PISD: variants seen among roughly 807,000 people sequenced by gnomAD.
The protein encoded by PISD is phosphatidylserine decarboxylase.
In PISD, 31 loss-of-function variants were observed where a neutral mutation model predicts 43.5. That is an observed-to-expected ratio of 0.71 (90% CI 0.54 to 0.96). The LOEUF is 0.96. PISD is among the 40% of genes least tolerant of loss of function. The pLI is 0.00. For missense variants in PISD, 523 were observed against 548.4 expected (o/e 0.95, Z 0.46); for synonymous variants, 259 against 228.7 (o/e 1.13, Z -1.20).
intron 3 of PISD, among the ~76,000 whole-genome samples, chr22:31,626,764 T>G (rs1439043509): frequency 6.6e-6 from 1 of 152,226 alleles, no homozygotes; most frequent in East Asian, 1.9e-4. Context: ...CCTGCACAGA[T>G]AGCGGAAGGA....
chr22:31,628,596 G>A (rs2073033413), intron 3 of PISD, among the ~76,000 whole-genome samples: 1 of 152,238 alleles, frequency 6.6e-6, no homozygotes, highest in Non-Finnish European at 1.5e-5. Context: ...GGGCTTTGTG[G>A]CTGATGACAA....
intron 1 of PISD, among the ~76,000 whole-genome samples, chr22:31,655,503 TA>T (rs1190171065): frequency 3.3e-5 from 5 of 152,102 alleles, no homozygotes; most frequent in Admixed American, 1.3e-4. Context: ...TTTGTGGAGA[TA>T]AATAAGGTCT....
At chr22:31,648,032 G>A in intron 3 of PISD, 69 bp downstream of exon 3, 1 of 1,359,284 alleles carries the variant, frequency 7.4e-7, no homozygotes, top group Non-Finnish European at 1.0e-6. Flanking sequence ...TTCAACTTTG[G>A]AACAACTGGA....
intron 3 of PISD, among the ~76,000 whole-genome samples, chr22:31,633,400 T>C (rs1357702860): frequency 6.6e-6 from 1 of 152,202 alleles, no homozygotes; most frequent in Non-Finnish European, 1.5e-5. Context: ...ATTCTAAGCC[T>C]CTAAGGCAGA....
chr22:31,627,892 C>G, intron 3 of PISD: 1 of 329,900 alleles, frequency 3.0e-6, no homozygotes, highest in Non-Finnish European at 4.3e-6. Flanking sequence ...GGGGGCCCTA[C>G]TGAGGAATCA....
chr22:31,621,594 C>T, intron 4 of PISD, 55 bp downstream of exon 4: 3 of 1,597,874 alleles, frequency 1.9e-6, no homozygotes, highest in Non-Finnish European at 2.6e-6. Flanking sequence ...GGGGGCTGTG[C>T]TGGGGAGGCA....
chr22:31,637,156 AAAAAAAAAATATATAT>A (rs1473460573), intron 3 of PISD, among the ~76,000 whole-genome samples: 219 of 42,326 alleles, frequency 5.2e-3, no homozygotes, highest in East Asian at 9.8e-3. Context: ...AAAAAAAAAA[AAAAAAAAAATATATAT>A]ATATATATAT....
intron 1 of PISD, among the ~76,000 whole-genome samples, chr22:31,659,865 C>G (rs139787205): frequency 2.6e-4 from 40 of 152,092 alleles, no homozygotes; most frequent in Middle Eastern, 3.4e-3. Flanking sequence ...TACAGGCATG[C>G]GCCACCGTGC....
rs572600039 is a variant in PISD, at chr22:31,621,308, C to T, written c.697+26G>A. ...TCCAGCCACACAGCAGCAGGGCTGCCTAGCCCCGCCTGTGCAGTGACCCAC... is the reference window on the plus strand; with the variant it reads ...TCCAGCCACACAGCAGCAGGGCTGCTTAGCCCCGCCTGTGCAGTGACCCAC... On this transcript the variant is annotated intron_variant, in intron 5 of 7. Coordinates refer to ENST00000439502, the MANE Select transcript of PISD (RefSeq NM_001326411.2). 5 of 1,613,324 alleles carry T rather than the reference C, an allele frequency of 3.1e-6. No homozygotes were observed. In the South Asian group the frequency reaches 3.3e-5, roughly 11 times the overall value.
intron 3 of PISD, among the ~76,000 whole-genome samples, chr22:31,647,138 T>A (rs1180523423): frequency 6.6e-6 from 1 of 152,184 alleles, no homozygotes; most frequent in African/African-American, 2.4e-5. Flanking sequence ...TAATGTAGCA[T>A]GTAATGCCAA....
rs910577534 is a variant in PISD, at chr22:31,630,217, C to T, written c.322-8332G>A. Among the ~76,000 whole-genome samples the T allele has an allele frequency of 6.6e-6, 1 of 152,114 alleles. No homozygotes were observed. Among genetic ancestry groups the T allele is most frequent in the Non-Finnish European group, 1.5e-5 (1 of 68,006 alleles). ...CCCTGGGAAGAGGGCAGGCAGGACTCGCAGGGGTCTATCCTAGCCGCCCAA... is the reference window on the plus strand; with the variant it reads ...CCCTGGGAAGAGGGCAGGCAGGACTTGCAGGGGTCTATCCTAGCCGCCCAA... On this transcript the variant is annotated intron_variant, in intron 3 of 7. Coordinates refer to ENST00000439502, the MANE Select transcript of PISD (RefSeq NM_001326411.2). The surrounding 1 kb of genome is among the most constrained non-coding windows in gnomAD (Gnocchi z 4.4).
intron 3 of PISD, among the ~76,000 whole-genome samples, chr22:31,625,294 A>G (rs1241722429): frequency 6.6e-6 from 1 of 152,168 alleles, no homozygotes; most frequent in Non-Finnish European, 1.5e-5. Flanking sequence ...AAGGTCCAGG[A>G]AGGTGGCAGG....
intron 3 of PISD, among the ~76,000 whole-genome samples, chr22:31,636,735 G>A (rs2147728215): frequency 6.6e-6 from 1 of 151,800 alleles, no homozygotes; most frequent in African/African-American, 2.4e-5. Context: ...GTAGAGACGG[G>A]GTTTCAACGT....
In PISD at chr22:31,637,155, AAAAAAAAAAATATATAT is replaced by A. The variant is rs1205659156; in HGVS notation, c.321+10929_321+10945del. 8.5e-3 allele frequency among the ~76,000 whole-genome samples: 382 copies of A among 44,686 alleles called. 1 individual carries two copies. The highest frequency in any genetic ancestry group is 0.013 in the Non-Finnish European group (297 of 22,918). 29.3% of individuals were successfully genotyped at this position (44,686 alleles called of 152,430 possible). On this transcript the variant is annotated intron_variant, in intron 3 of 7. Coordinates refer to ENST00000439502, the MANE Select transcript of PISD (RefSeq NM_001326411.2). ...ATAATAAATAAATTAAAAAAAAAAAAAAAAAAAAAATATATATATATATATATATATATATATATATA... is the reference window on the plus strand; with the variant it reads ...ATAATAAATAAATTAAAAAAAAAAAAATATATATATATATATATATATATA...
intron 5 of PISD, 90 bp from the exon 6 acceptor site, chr22:31,621,232 G>A (rs1391456118): frequency 2.5e-6 from 4 of 1,609,496 alleles, no homozygotes; most frequent in African/African-American, 2.7e-5. Context: ...TTCTCAGGGA[G>A]GCCCCACATG....
rs62237843 is a variant in PISD, at chr22:31,630,960, C to T, written c.322-9075G>A. 6 of 688,658 alleles carry T rather than the reference C, an allele frequency of 8.7e-6. 1 individual carries two copies. The South Asian group carries it at 3.2e-4, about 37-fold the overall frequency. 42.7% of individuals were successfully genotyped at this position (688,658 alleles called of 1,614,324 possible). A position where few individuals can be genotyped will look rare whatever the true frequency, so the allele number is the denominator to read the frequency against. On this transcript the variant is annotated intron_variant, in intron 3 of 7. Transcript: ENST00000439502. This position sits in a 1 kb window ranked among gnomAD's most constrained non-coding sequence, Gnocchi z 4.4. ...CCAGCCACCCTTAAAGCTGCCGCCC[C>T]CTCTGAGCCCCAGTCCTGCTGGGCC...
intron 3 of PISD, chr22:31,625,525 G>C (rs914364704): frequency 5.0e-6 from 3 of 601,184 alleles, no homozygotes; most frequent in African/African-American, 3.7e-5. Context: ...TGAGGTCTGA[G>C]GCTCGCTGGC....
chr22:31,627,235 G>A (rs2072958719), intron 3 of PISD, among the ~76,000 whole-genome samples: 5 of 152,234 alleles, frequency 3.3e-5, no homozygotes, highest in Admixed American at 3.3e-4. Context: ...ATGAGTGACG[G>A]GGACAGCTCA....
chr22:31,637,164 A>ATATATATATGT (rs1205211767), intron 3 of PISD, among the ~76,000 whole-genome samples: 1 of 13,652 alleles, frequency 7.3e-5, no homozygotes, highest in Non-Finnish European at 1.2e-4. Flanking sequence ...AAAAAAAAAA[A>ATATATATATGT]ATATATATAT....
Sources: gnomAD v4.1 joint callset for allele counts (sites outside exome capture counted in the v4.1 genomes callset) on GRCh38, gnomAD v4.1.1 for gene constraint, Gnocchi (gnomAD v3.1) non-coding constraint, MANE v1.5 for transcripts, NCBI Gene and HGNC (gene_info 2026-07-23, HGNC 2026-07-21) for gene names.